TLCD5: variants seen among roughly 807,000 people sequenced by gnomAD.
TLCD5 encodes the protein TLC domain-containing protein 5.
In TLCD5, 15 loss-of-function variants were observed where a neutral mutation model predicts 20.5. The ratio of observed to expected loss-of-function variants is 0.73; its 90% CI spans 0.49 to 1.13. The LOEUF (loss-of-function observed/expected upper bound fraction) is 1.13, where lower values mean the gene tolerates loss of function less well. Among genes scored for constraint, TLCD5 ranks in the 50% most tolerant of loss-of-function variants. The pLI is 0.00. For synonymous variants in TLCD5, 107 were observed against 114.7 expected, an observed-to-expected ratio of 0.93 and a Z score of 0.43; for missense variants, 289 against 305.6, an observed-to-expected ratio of 0.95 and a Z score of 0.41.
intron 2 of TLCD5, among the ~76,000 whole-genome samples, chr11:120,328,941 T>C (rs1355522210): frequency 2.6e-5 from 2 of 77,254 alleles, no homozygotes; most frequent in Admixed American, 1.2e-4. Context: ...TGTGTGTGTG[T>C]GTGTTTGTGT....
At chr11:120,328,917 A>ATTGTGT (rs1555084789) in intron 2 of TLCD5, among the ~76,000 whole-genome samples, 1 of 32,274 alleles carries the variant, frequency 3.1e-5, no homozygotes, top group Non-Finnish European at 6.0e-5. Context: ...TAACAGTCAT[A>ATTGTGT]GTGTGTGTGT....
chr11:120,333,240 A>T lies in TLCD5; in HGVS notation c.*2725A>T, dbSNP rs1242070579. On this transcript the variant is annotated 3_prime_UTR_variant, in exon 3 of 3. Transcript: ENST00000375095. The surrounding 1 kb of genome is among the most constrained non-coding windows in gnomAD (Gnocchi z 4.5). ...ATTTTGGCACAGTGCAACCTGTTCC[A>T]TACCAGACAAATGAACAGGCTTAAT... 3 of 152,232 alleles carry T rather than the reference A, an allele frequency of 2.0e-5. No homozygotes were observed. In the East Asian group the frequency reaches 5.8e-4, roughly 29 times the overall value. The allele number at this position is 152,232 out of a possible 1,614,324, so 9.4% of individuals were successfully genotyped here. A position where few individuals can be genotyped will look rare whatever the true frequency, so the allele number is the denominator to read the frequency against.
At chr11:120,328,879 A>G (rs12803055) in intron 2 of TLCD5, among the ~76,000 whole-genome samples, 7 of 115,766 alleles carry the variant, frequency 6.0e-5, no homozygotes, top group Admixed American at 9.2e-5. Flanking sequence ...ATATGTATGC[A>G]TATCTGTGTC....
At position 120,330,602 on chromosome 11, in the gene TLCD5, A is replaced by G; in HGVS notation, c.*87A>G. ...TGACTGTTACATAATTACACTTATA[A>G]CAAACTTAGGTTTCAATAAAGGGCT... On this transcript the variant is annotated 3_prime_UTR_variant, in exon 3 of 3. Coordinates refer to ENST00000375095, the MANE Select transcript of TLCD5 (RefSeq NM_001198671.2). 7.0e-7 allele frequency: 1 copy of G among 1,436,546 alleles called. No homozygotes were observed. The highest frequency in any genetic ancestry group is 9.3e-7 in the Non-Finnish European group (1 of 1,078,598). The allele number at this position is 1,436,546 out of a possible 1,614,324, so 89.0% of individuals were successfully genotyped here. A position where few individuals can be genotyped will look rare whatever the true frequency, so the allele number is the denominator to read the frequency against.
At chr11:120,327,751 T>C (rs1250542804) in intron 2 of TLCD5, 111 bp downstream of exon 2, 2 of 1,098,192 alleles carry the variant, frequency 1.8e-6, no homozygotes, top group African/African-American at 3.2e-5. Flanking sequence ...ATTATAATTT[T>C]GTATTGGAAT....
At chr11:120,326,545 A>G (rs994169266) in intron 1 of TLCD5, among the ~76,000 whole-genome samples, 5 of 152,200 alleles carry the variant, frequency 3.3e-5, no homozygotes, top group African/African-American at 1.2e-4. Flanking sequence ...TTTTATTTGT[A>G]CGTTTCAATG....
intron 1 of TLCD5, among the ~76,000 whole-genome samples, chr11:120,326,847 C>T (rs1322558552): frequency 6.6e-6 from 1 of 152,214 alleles, no homozygotes; most frequent in African/African-American, 2.4e-5. Context: ...GGATTTCCCC[C>T]CAACCTCCAA....
Position 120,330,251 on chromosome 11 carries a change from T to C in TLCD5, c.474T>C (p.Asp158=), listed in dbSNP as rs1942120751. The change falls in exon 3 of 3, where the codon GAT becomes GAC. Residue 158 remains aspartate, a synonymous_variant. Transcript: ENST00000375095. The part of the protein sequence containing the change: ...ETGHYHSFTG[D]VVDFLFVALF... Reference sequence around the variant, plus strand: ...GGCACTATCACAGTTTCACTGGAGATGTAGTGGACTTCCTCTTTGTGGCTC... The same window carrying C: ...GGCACTATCACAGTTTCACTGGAGACGTAGTGGACTTCCTCTTTGTGGCTC... The C allele has an allele frequency of 6.4e-7, 1 of 1,553,042 alleles. No homozygotes were observed. Among genetic ancestry groups the C allele is most frequent in the South Asian group, 1.2e-5 (1 of 85,068 alleles).
intron 2 of TLCD5, among the ~76,000 whole-genome samples, chr11:120,327,973 A>G (rs1565399509): frequency 1.3e-5 from 2 of 152,170 alleles, no homozygotes; most frequent in Non-Finnish European, 2.9e-5. Context: ...GCAACTTGCA[A>G]CTTTTACTTG....
At chr11:120,326,613 G>C (rs964210553) in intron 1 of TLCD5, among the ~76,000 whole-genome samples, 1 of 152,212 alleles carries the variant, frequency 6.6e-6, no homozygotes, top group Non-Finnish European at 1.5e-5. Flanking sequence ...TTTTAGTCCT[G>C]TGTGACTAAA....
chr11:120,327,275 C>A (rs1364039693), intron 1 of TLCD5, 166 bp from the exon 2 acceptor site: 3 of 1,201,470 alleles, frequency 2.5e-6, no homozygotes, highest in African/African-American at 1.5e-5. Context: ...ATAAATACAG[C>A]CATACTTAAA....
chr11:120,328,946 T>TGTGTG (rs376616967), intron 2 of TLCD5, among the ~76,000 whole-genome samples: 9 of 30,176 alleles, frequency 3.0e-4, no homozygotes, highest in African/African-American at 6.3e-4. Flanking sequence ...GTGTGTGTGT[T>TGTGTG]TGTGTATGTT....
At position 120,331,614 on chromosome 11, in the gene TLCD5, C is replaced by T. The variant is rs945533384; in HGVS notation, c.*1099C>T. 6.6e-6 allele frequency: 1 copy of T among 152,266 alleles called. No homozygotes were observed. The highest frequency in any genetic ancestry group is 1.5e-5 in the Non-Finnish European group (1 of 68,054). The allele number at this position is 152,266 out of a possible 1,614,324, so 9.4% of individuals were successfully genotyped here. On this transcript the variant is annotated 3_prime_UTR_variant, in exon 3 of 3. Coordinates refer to ENST00000375095, the MANE Select transcript of TLCD5 (RefSeq NM_001198671.2). The surrounding 1 kb of genome is among the most constrained non-coding windows in gnomAD (Gnocchi z 4.5). ...AGTGGCCAACCCTGTAATCAGGCCTCTCCAAGGATAGCAGTTTAGGCCTGC... is the reference window on the plus strand; with the variant it reads ...AGTGGCCAACCCTGTAATCAGGCCTTTCCAAGGATAGCAGTTTAGGCCTGC...
In TLCD5 at chr11:120,330,278, G is replaced by C. The variant is rs758552183; in HGVS notation, c.501G>C (p.Leu167=). The C allele has an allele frequency of 6.4e-7, 1 of 1,557,840 alleles. No homozygotes were observed. Among genetic ancestry groups the C allele is most frequent in the Admixed American group, 1.9e-5 (1 of 51,548 alleles). The change falls in exon 3 of 3, where the codon CTG becomes CTC. Residue 167 remains leucine, a synonymous_variant. Transcript: ENST00000375095. Reference sequence around the variant, plus strand: ...TAGTGGACTTCCTCTTTGTGGCTCTGTTCACAGGAGTGAGGATTGGTGTGG... The same window carrying C: ...TAGTGGACTTCCTCTTTGTGGCTCTCTTCACAGGAGTGAGGATTGGTGTGG... ...GDVVDFLFVA[L]FTGVRIGVGA...
rs1246962301 is a variant in TLCD5, at chr11:120,331,400, A to G, written c.*885A>G. 6.6e-6 allele frequency: 1 copy of G among 152,222 alleles called. No homozygotes were observed. Among genetic ancestry groups the G allele is most frequent in the Non-Finnish European group, 1.5e-5 (1 of 68,050 alleles). The allele number at this position is 152,222 out of a possible 1,614,324, so 9.4% of individuals were successfully genotyped here. A position where few individuals can be genotyped will look rare whatever the true frequency, so the allele number is the denominator to read the frequency against. ...AAGGTCACTACAGACTCAGTGCCCA[A>G]AGTTTTTACTGAGGACAGGTCATCT... is the stretch of plus-strand genomic sequence containing the variant. On this transcript the variant is annotated 3_prime_UTR_variant, in exon 3 of 3. Coordinates refer to ENST00000375095, the MANE Select transcript of TLCD5 (RefSeq NM_001198671.2). The surrounding 1 kb of genome is among the most constrained non-coding windows in gnomAD (Gnocchi z 4.5).
intron 1 of TLCD5, chr11:120,327,013 C>T (rs1178760198): frequency 8.0e-6 from 2 of 248,484 alleles, no homozygotes; most frequent in African/African-American, 4.5e-5. Context: ...CTAGCAGAAA[C>T]CAACGTGGCA....
At position 120,327,440 on chromosome 11, in the gene TLCD5, G is replaced by T; in HGVS notation, c.-1-1G>T. The T allele has an allele frequency of 1.2e-6, 2 of 1,614,232 alleles. No individual in the cohort carries two copies. The highest frequency in any genetic ancestry group is 1.7e-6 in the Non-Finnish European group (2 of 1,180,044). On this transcript the variant is annotated splice_acceptor_variant, in intron 1 of 2. Coordinates refer to ENST00000375095, the MANE Select transcript of TLCD5 (RefSeq NM_001198671.2). LOFTEE classifies it low-confidence loss of function (5UTR_SPLICE). ...TTCTGGTTTTGGTCTTTTCATCACA[G>T]GATGGCATTAGCTCTGTGTCTGCAG...
chr11:120,325,894 T>C (rs898715468), intron 1 of TLCD5, among the ~76,000 whole-genome samples: 1 of 152,258 alleles, frequency 6.6e-6, no homozygotes, highest in African/African-American at 2.4e-5. Flanking sequence ...GCTACTGTTT[T>C]CTCTGTTCTG....
chr11:120,327,264 G>C, intron 1 of TLCD5, 177 bp from the exon 2 acceptor site: 2 of 1,137,986 alleles, frequency 1.8e-6, no homozygotes, highest in Non-Finnish European at 2.5e-6. Flanking sequence ...AACTTGGAAT[G>C]ATAAATACAG....
Sources: gnomAD v4.1 joint callset for allele counts (sites outside exome capture counted in the v4.1 genomes callset) on GRCh38, gnomAD v4.1.1 for gene constraint, Gnocchi (gnomAD v3.1) non-coding constraint, MANE v1.5 for transcripts, NCBI Gene and HGNC (gene_info 2026-07-23, HGNC 2026-07-21) for gene names.